The following TSPAN33 variants were observed in gnomAD, a reference collection of about 807,000 sequenced individuals.
TSPAN33 encodes tetraspanin 33.
A neutral mutation model predicts 34.8 loss-of-function variants in TSPAN33; 27 were observed. The observed-to-expected ratio is 0.78, with a 90% confidence interval of 0.57 to 1.07. TSPAN33 has a LOEUF of 1.07. Ranked by LOEUF, TSPAN33 falls within the 50% of genes least tolerant of loss-of-function variation. TSPAN33 has a pLI of 0.00. For synonymous variants in TSPAN33, 119 were observed against 124.2 expected, an observed-to-expected ratio of 0.96 and a Z score of 0.28; for missense variants, 272 against 324.9, an observed-to-expected ratio of 0.84 and a Z score of 1.25.
chr7:129,157,088 T>C (rs1344667147), intron 1 of TSPAN33, among the ~76,000 whole-genome samples: 1 of 152,240 alleles, frequency 6.6e-6, no homozygotes, highest in African/African-American at 2.4e-5. Context: ...AGGAGGTCAT[T>C]CATGATATTG....
chr7:129,145,910 G>T (rs540322145), intron 1 of TSPAN33, among the ~76,000 whole-genome samples: 1 of 151,982 alleles, frequency 6.6e-6, no homozygotes, highest in Non-Finnish European at 1.5e-5. Context: ...GTGTGATCAG[G>T]GGTGGCAGAA....
In TSPAN33 at chr7:129,165,450, A is replaced by G. The variant is rs1793124030; in HGVS notation, c.459+881A>G. On this transcript the variant is annotated intron_variant, in intron 5 of 7. Transcript: ENST00000486685. The surrounding 1 kb of genome is among the most constrained non-coding windows in gnomAD (Gnocchi z 4.5). ...GGTTATTTCACTTAGCATGTCTTCAAGTTTCATCTCTGTTTTGGCATGTGC... is the reference window on the plus strand; with the variant it reads ...GGTTATTTCACTTAGCATGTCTTCAGGTTTCATCTCTGTTTTGGCATGTGC... Among the ~76,000 whole-genome samples, 1 of 152,350 alleles carries G rather than the reference A, an allele frequency of 6.6e-6. No individual in the cohort carries two copies. Among genetic ancestry groups the G allele is most frequent in the East Asian group, 1.9e-4 (1 of 5,192 alleles).
chr7:129,156,021 A>G (rs749299166), intron 1 of TSPAN33, among the ~76,000 whole-genome samples: 2 of 152,004 alleles, frequency 1.3e-5, no homozygotes, highest in Non-Finnish European at 2.9e-5. Context: ...GTGGCCCACC[A>G]TGTCCTGCCC....
chr7:129,164,580 G>A lies in TSPAN33; in HGVS notation c.459+11G>A. The A allele has an allele frequency of 6.2e-7, 1 of 1,611,818 alleles. No homozygotes were observed. Among genetic ancestry groups the A allele is most frequent in the Non-Finnish European group, 8.5e-7 (1 of 1,178,604 alleles). Reference sequence around the variant, plus strand: ...TTTGGCCAGAAAAAGGTATGGGTCAGCCAGTGGTCTGGGGGACTGTGGGTA... The same window carrying A: ...TTTGGCCAGAAAAAGGTATGGGTCAACCAGTGGTCTGGGGGACTGTGGGTA... On this transcript the variant is annotated intron_variant, in intron 5 of 7. Coordinates refer to ENST00000486685, the MANE Select transcript of TSPAN33 (RefSeq NM_178562.5).
intron 1 of TSPAN33, among the ~76,000 whole-genome samples, chr7:129,157,982 G>A (rs957728634): frequency 6.6e-6 from 1 of 152,210 alleles, no homozygotes; most frequent in African/African-American, 2.4e-5. Context: ...AACAGATCTC[G>A]CTGGGCTAAA....
In TSPAN33 at chr7:129,167,459, A is replaced by G. The variant is rs201766682; in HGVS notation, c.649A>G (p.Lys217Glu). 4.3e-5 allele frequency: 69 copies of G among 1,614,086 alleles called. No individual in the cohort carries two copies. Among genetic ancestry groups the G allele is most frequent in the Non-Finnish European group, 5.8e-5 (68 of 1,180,040 alleles). ...GGCCTTTGACTACTTGGAAGCTAGCAAAGTCATCTACACCAATGGCTGTAT... is the reference window on the plus strand; with the variant it reads ...GGCCTTTGACTACTTGGAAGCTAGCGAAGTCATCTACACCAATGGCTGTAT... The part of the protein sequence containing the change: ...MQAFDYLEAS[K>E]VIYTNGCIDK... The change falls in exon 7 of 8, where the codon AAA becomes GAA. Residue 217 changes from lysine to glutamate, a missense_variant. By Grantham distance (56) the Lys-to-Glu change is moderately conservative. Transcript: ENST00000486685. This position sits in a 1 kb window ranked among gnomAD's most constrained non-coding sequence, Gnocchi z 4.6.
rs1037744752 is a variant in TSPAN33 at position 129,165,183 on chromosome 7, C to G, written c.459+614C>G. Reference sequence around the variant, plus strand: ...TCTGTATCCATCAAACACTAACTCCCCATTTTCCTCTCTTGAAACTCTGTA... The same window carrying G: ...TCTGTATCCATCAAACACTAACTCCGCATTTTCCTCTCTTGAAACTCTGTA... On this transcript the variant is annotated intron_variant, in intron 5 of 7. Coordinates refer to ENST00000486685, the MANE Select transcript of TSPAN33 (RefSeq NM_178562.5). This position sits in a 1 kb window ranked among gnomAD's most constrained non-coding sequence, Gnocchi z 4.5. Among the ~76,000 whole-genome samples, 1 of 152,148 alleles carries G rather than the reference C, an allele frequency of 6.6e-6. No individual in the cohort carries two copies. Among genetic ancestry groups the G allele is most frequent in the African/African-American group, 2.4e-5 (1 of 41,426 alleles).
chr7:129,155,479 C>G (rs1810653418), intron 1 of TSPAN33, among the ~76,000 whole-genome samples: 1 of 152,116 alleles, frequency 6.6e-6, no homozygotes, highest in African/African-American at 2.4e-5. Context: ...ACACATGTAT[C>G]AAAATATCAT....
At chr7:129,152,441 C>A (rs992143704) in intron 1 of TSPAN33, among the ~76,000 whole-genome samples, 4 of 152,134 alleles carry the variant, frequency 2.6e-5, no homozygotes, top group African/African-American at 9.7e-5. Context: ...TGCCTGTAAT[C>A]TTTTGGAGGC....
In TSPAN33 at chr7:129,165,866, T is replaced by C. The variant is rs546857770; in HGVS notation, c.460-912T>C. ...TGGAGGTTGCAGTGAGCCAAGATCA[T>C]GCCATTGCACTCCAGCCTGGGTGAC... On this transcript the variant is annotated intron_variant, in intron 5 of 7. Coordinates refer to ENST00000486685, the MANE Select transcript of TSPAN33 (RefSeq NM_178562.5). This position sits in a 1 kb window ranked among gnomAD's most constrained non-coding sequence, Gnocchi z 4.5. Among the ~76,000 whole-genome samples, 18 of 151,596 alleles carry C rather than the reference T, an allele frequency of 1.2e-4. No individual in the cohort carries two copies. The highest frequency in any genetic ancestry group is 4.3e-4 in the African/African-American group (18 of 41,418).
At chr7:129,145,206 G>A (rs1469154623) in intron 1 of TSPAN33, 124 bp downstream of exon 1, 7 of 459,950 alleles carry the variant, frequency 1.5e-5, no homozygotes, top group Admixed American at 4.3e-5. Flanking sequence ...CACTTTGGGG[G>A]AATTTATCCT....
At chr7:129,152,523 C>A (rs1394980815) in intron 1 of TSPAN33, among the ~76,000 whole-genome samples, 7 of 152,058 alleles carry the variant, frequency 4.6e-5, no homozygotes, top group South Asian at 2.1e-4. Flanking sequence ...CCCGCCTCTA[C>A]TAAAACTACA....
At chr7:129,147,838 G>A (rs560370450) in intron 1 of TSPAN33, among the ~76,000 whole-genome samples, 6 of 152,294 alleles carry the variant, frequency 3.9e-5, no homozygotes, top group South Asian at 2.1e-4. Context: ...CTGACTCTTG[G>A]GGCATTTGGA....
intron 1 of TSPAN33, among the ~76,000 whole-genome samples, chr7:129,147,524 A>AG (rs1810537115): frequency 6.6e-6 from 1 of 152,302 alleles, no homozygotes; most frequent in South Asian, 2.1e-4. Context: ...TCCCCAGATC[A>AG]GGGGGCCATC....
Position 129,152,666 on chromosome 7 carries a change from G to T in TSPAN33, c.102+7584G>T, listed in dbSNP as rs185074995. Among the ~76,000 whole-genome samples, 93 of 150,938 alleles carry T rather than the reference G, an allele frequency of 6.2e-4. 2 individuals carry two copies. Among genetic ancestry groups the T allele is most frequent in the Admixed American group, 6.2e-3 (93 of 15,102 alleles). ...TGCACCACTACACTCCAGCCTGGGTGACAGAGTGAGACTCCATCTCAAAAA... is the reference window on the plus strand; with the variant it reads ...TGCACCACTACACTCCAGCCTGGGTTACAGAGTGAGACTCCATCTCAAAAA... On this transcript the variant is annotated intron_variant, in intron 1 of 7. Coordinates refer to ENST00000486685, the MANE Select transcript of TSPAN33 (RefSeq NM_178562.5).
At chr7:129,160,263 A>G (rs1443828256) in intron 1 of TSPAN33, among the ~76,000 whole-genome samples, 2 of 152,188 alleles carry the variant, frequency 1.3e-5, no homozygotes, top group African/African-American at 4.8e-5. Flanking sequence ...CCAAAGCCCC[A>G]TGGTGGCTCT....
At chr7:129,159,464 C>T (rs1275788506) in intron 1 of TSPAN33, among the ~76,000 whole-genome samples, 1 of 152,142 alleles carries the variant, frequency 6.6e-6, no homozygotes, top group African/African-American at 2.4e-5. Flanking sequence ...AGCTGTGCTA[C>T]GATTTAATCA....
intron 4 of TSPAN33, among the ~76,000 whole-genome samples, chr7:129,163,141 T>C (rs183112650): frequency 6.4e-4 from 98 of 152,270 alleles, no homozygotes; most frequent in African/African-American, 2.2e-3. Context: ...GGGAAGTAAA[T>C]TATACAAACA....
At chr7:129,147,723 T>G (rs761022808) in intron 1 of TSPAN33, among the ~76,000 whole-genome samples, 3 of 152,190 alleles carry the variant, frequency 2.0e-5, no homozygotes, top group African/African-American at 4.8e-5. Context: ...CAGTGGTTAT[T>G]GTGTCTGTGC....
Sources: allele counts gnomAD v4.1 joint callset (sites outside exome capture counted in the v4.1 genomes callset), GRCh38; gene constraint gnomAD v4.1.1; non-coding constraint Gnocchi (gnomAD v3.1); transcripts MANE v1.5; gene names NCBI Gene and HGNC (gene_info 2026-07-23, HGNC 2026-07-21).